ZNF516: variants seen among roughly 807,000 people sequenced by gnomAD.
The protein encoded by ZNF516 is zinc finger protein 516.
A neutral mutation model predicts 79.7 loss-of-function variants in ZNF516; 19 were observed. That is an observed-to-expected ratio of 0.24 (90% CI 0.17 to 0.35). The LOEUF is 0.35. ZNF516 is among the 10% of genes least tolerant of loss of function. The pLI is 1.00. For synonymous variants in ZNF516, 877 were observed against 739.5 expected, an observed-to-expected ratio of 1.19 and a Z score of -3.02; for missense variants, 1,678 against 1,679.5, an observed-to-expected ratio of 1.00 and a Z score of 0.02.
intron 1 of ZNF516, among the ~76,000 whole-genome samples, chr18:76,487,471 G>A (rs942650881): frequency 1.3e-5 from 2 of 152,138 alleles, no homozygotes; most frequent in African/African-American, 2.4e-5. Context: ...ATATTCTTCA[G>A]TTAGAAAAAT....
chr18:76,384,413 C>T (rs1273499995), intron 3 of ZNF516, among the ~76,000 whole-genome samples: 2 of 129,738 alleles, frequency 1.5e-5, no homozygotes, highest in African/African-American at 3.0e-5. Context: ...TCCTTAGCCC[C>T]CACCACTCCC....
intron 2 of ZNF516, among the ~76,000 whole-genome samples, chr18:76,452,285 G>A (rs542826194): frequency 3.9e-5 from 6 of 152,256 alleles, no homozygotes; most frequent in African/African-American, 9.6e-5. Flanking sequence ...GTCTCCAGCC[G>A]GCTTTGTTCA....
Position 76,365,435 on chromosome 18 carries a change from T to C in ZNF516, c.3433-2878A>G, listed in dbSNP as rs146510904. ...ATGCAACAAAAAAAATCAATTTCTC[T>C]GCAACACTAAAGAAACTTCCTAGTT... On this transcript the variant is annotated intron_variant, in intron 6 of 6. Transcript: ENST00000443185. Among the ~76,000 whole-genome samples the C allele has an allele frequency of 4.9e-3, 746 of 152,346 alleles. 6 individuals are homozygous for C. Among genetic ancestry groups the C allele is most frequent in the African/African-American group, 0.017 (708 of 41,584 alleles).
intron 1 of ZNF516, chr18:76,491,721 G>A (rs1406160493): frequency 1.8e-5 from 2 of 114,190 alleles, no homozygotes; most frequent in East Asian, 6.1e-4. Context: ...CCCCAGCCCA[G>A]AGGGCCGCCC....
At chr18:76,496,210 T>C (rs1401417781), upstream of ZNF516, 3 of 1,221,246 alleles carry the variant, frequency 2.5e-6, no homozygotes, top group Non-Finnish European at 2.1e-6. Flanking sequence ...CGAGCGCCCC[T>C]TCACGGCCGG....
At chr18:76,381,697 C>T (rs981995659) in intron 3 of ZNF516, among the ~76,000 whole-genome samples, 4 of 152,164 alleles carry the variant, frequency 2.6e-5, no homozygotes, top group African/African-American at 7.2e-5. Flanking sequence ...GCAGTTAGTG[C>T]GCAATTCATA....
At chr18:76,405,650 G>A (rs1304408893) in intron 3 of ZNF516, among the ~76,000 whole-genome samples, 1 of 151,920 alleles carries the variant, frequency 6.6e-6, no homozygotes, top group African/African-American at 2.4e-5. Context: ...AAGCACCACG[G>A]TGAAACATTC....
In ZNF516 at chr18:76,360,628, T is replaced by A. The variant is rs907704031; in HGVS notation, c.*1870A>T. On this transcript the variant is annotated 3_prime_UTR_variant, in exon 7 of 7. Transcript: ENST00000443185. ...CTGGTGTAAGAATATCAGAAAAAAA[T>A]AAGTAAAAAAAAAAAAAAATATATA... The A allele has an allele frequency of 3.9e-3, 33 of 8,478 alleles. No individual in the cohort carries two copies. Among genetic ancestry groups the A allele is most frequent in the East Asian group, 9.9e-3 (4 of 406 alleles). The allele number at this position is 8,478 out of a possible 1,614,324, so 0.5% of individuals were successfully genotyped here. A position where few individuals can be genotyped will look rare whatever the true frequency, so the allele number is the denominator to read the frequency against.
intron 1 of ZNF516, chr18:76,487,898 A>G (rs1321193440): frequency 7.1e-6 from 7 of 983,108 alleles, no homozygotes; most frequent in Non-Finnish European, 8.5e-6. Flanking sequence ...AGGTGGAAGG[A>G]CTGAGGATGA....
At position 76,462,736 on chromosome 18, in the gene ZNF516, A is replaced by G. The variant is rs533365732; in HGVS notation, c.-158+292T>C. Among the ~76,000 whole-genome samples, 3 of 152,144 alleles carry G rather than the reference A, an allele frequency of 2.0e-5. No homozygotes were observed. The South Asian group carries it at 6.2e-4, about 32-fold the overall frequency. ...AAAGGAATGGACCCCCCACCCCAGG[A>G]GCACCAAGTTCTACGATCAGCTTAC... On this transcript the variant is annotated intron_variant, in intron 2 of 6. Transcript: ENST00000443185.
At chr18:76,453,249 G>A (rs1248937591) in intron 2 of ZNF516, among the ~76,000 whole-genome samples, 2 of 152,210 alleles carry the variant, frequency 1.3e-5, no homozygotes, top group Non-Finnish European at 2.9e-5. Flanking sequence ...GGCTTCTGGA[G>A]CAGCCAGCAT....
At position 76,442,407 on chromosome 18, in the gene ZNF516, C is replaced by T. The variant is rs1911739050; in HGVS notation, c.648G>A (p.Leu216=). The change falls in exon 3 of 7, where the codon CTG becomes CTA. Residue 216 remains leucine, a synonymous_variant. Transcript: ENST00000443185. The stretch of plus-strand genomic sequence containing the variant: ...TGATGTGGTCCCTCTCGATGTGGCT[C>T]AGCAGCGACTCCTCCCGCAGCGTCG... ...SYATLREESL[L]SHIERDHITA... The T allele has an allele frequency of 6.2e-7, 1 of 1,607,870 alleles. No individual in the cohort carries two copies. Among genetic ancestry groups the T allele is most frequent in the Non-Finnish European group, 8.5e-7 (1 of 1,179,650 alleles).
intron 3 of ZNF516, among the ~76,000 whole-genome samples, chr18:76,382,434 A>T (rs938301149): frequency 2.6e-5 from 4 of 152,160 alleles, no homozygotes; most frequent in Non-Finnish European, 4.4e-5. Flanking sequence ...CTGAACACAC[A>T]TGTCCAAGAC....
intron 3 of ZNF516, among the ~76,000 whole-genome samples, chr18:76,402,165 C>T (rs2075239209): frequency 6.6e-6 from 1 of 152,182 alleles, no homozygotes; most frequent in Non-Finnish European, 1.5e-5. Context: ...CGGTCAACAC[C>T]AATGAATTCA....
intron 3 of ZNF516, among the ~76,000 whole-genome samples, chr18:76,413,670 C>T (rs935538905): frequency 9.8e-5 from 15 of 152,296 alleles, no homozygotes; most frequent in Admixed American, 3.3e-4. Context: ...TTCCTCCCAC[C>T]GGAACTGATT....
At chr18:76,446,783 G>A (rs1464248885) in intron 2 of ZNF516, among the ~76,000 whole-genome samples, 2 of 152,122 alleles carry the variant, frequency 1.3e-5, no homozygotes, top group African/African-American at 2.4e-5. Context: ...CTACCTCTCC[G>A]CCTGTCCCAT....
At chr18:76,387,283 G>A (rs2075007833) in intron 3 of ZNF516, 1 of 152,222 alleles carries the variant, frequency 6.6e-6, no homozygotes, top group South Asian at 2.1e-4. Flanking sequence ...CCACACCCAG[G>A]CCGGTTTAGT....
At chr18:76,417,065 T>C (rs527542103) in intron 3 of ZNF516, among the ~76,000 whole-genome samples, 1 of 152,356 alleles carries the variant, frequency 6.6e-6, no homozygotes, top group East Asian at 1.9e-4. Context: ...ATTTTCACAA[T>C]GCTTCTCAGC....
intron 3 of ZNF516, among the ~76,000 whole-genome samples, chr18:76,398,512 A>G (rs1004228045): frequency 5.9e-5 from 9 of 152,216 alleles, no homozygotes; most frequent in African/African-American, 2.2e-4. Flanking sequence ...ACTGTCGGGA[A>G]GAAGGTGCTG....
Sources: gnomAD v4.1 joint callset for allele counts (sites outside exome capture counted in the v4.1 genomes callset) on GRCh38, gnomAD v4.1.1 for gene constraint, MANE v1.5 for transcripts, NCBI Gene and HGNC (gene_info 2026-07-23, HGNC 2026-07-21) for gene names.